Variants in AKT3 observed in about 807,000 individuals in gnomAD.
AKT3 encodes RAC-gamma serine/threonine-protein kinase.
In AKT3, 15 loss-of-function variants were observed where a neutral mutation model predicts 65.3. The ratio of observed to expected loss-of-function variants is 0.23; its 90% CI spans 0.15 to 0.35. The LOEUF (loss-of-function observed/expected upper bound fraction) is 0.35. Among genes scored for constraint, AKT3 ranks in the 10% least tolerant of loss-of-function variants. The pLI, the probability that AKT3 is intolerant of heterozygous loss-of-function variation, is 1.00. For missense variants in AKT3, 243 were observed against 576.5 expected, an observed-to-expected ratio of 0.42 and a Z score of 5.92; for synonymous variants, 206 against 183.8, an observed-to-expected ratio of 1.12 and a Z score of -0.98.
chr1:243,593,777 G>A (rs1485829407), intron 8 of AKT3, among the ~76,000 whole-genome samples: 2 of 152,078 alleles, frequency 1.3e-5, no homozygotes, highest in African/African-American at 2.4e-5. Flanking sequence ...AAATATTCTA[G>A]GAATAGGAGA....
At chr1:243,620,761 G>A (rs1039107195) in intron 6 of AKT3, among the ~76,000 whole-genome samples, 10 of 152,048 alleles carry the variant, frequency 6.6e-5, no homozygotes, top group Non-Finnish European at 1.2e-4. Context: ...ACATTATTGC[G>A]CCTTTCTCGA....
chr1:243,769,425 G>A (rs1572315446), intron 2 of AKT3, among the ~76,000 whole-genome samples: 1 of 152,182 alleles, frequency 6.6e-6, no homozygotes, highest in Non-Finnish European at 1.5e-5. Flanking sequence ...CCTACCAGCA[G>A]CGTATGGGGA....
chr1:243,738,230 T>G (rs1283219041), intron 2 of AKT3, among the ~76,000 whole-genome samples: 1 of 152,214 alleles, frequency 6.6e-6, no homozygotes, highest in Non-Finnish European at 1.5e-5. Flanking sequence ...CCTAAAGCTG[T>G]GCTTGGCTTT....
intron 13 of AKT3, among the ~76,000 whole-genome samples, chr1:243,492,087 G>C (rs1666572429): frequency 6.6e-6 from 1 of 151,994 alleles, no homozygotes; most frequent in Non-Finnish European, 1.5e-5. Context: ...GAAGTGTCTA[G>C]CCTGTTGGCA....
intron 1 of AKT3, among the ~76,000 whole-genome samples, chr1:243,845,991 A>G (rs1397717269): frequency 6.6e-6 from 1 of 152,208 alleles, no homozygotes; most frequent in Non-Finnish European, 1.5e-5. Context: ...AACTCTGAAT[A>G]GCTTTATAGC....
intron 6 of AKT3, among the ~76,000 whole-genome samples, chr1:243,620,790 T>C (rs77165397): frequency 0.016 from 2,512 of 152,256 alleles, 61 homozygotes; most frequent in African/African-American, 0.058. Context: ...TTTGATACTT[T>C]GTTCTTGATG....
chr1:243,520,344 G>C lies in AKT3; in HGVS notation c.1252-7918C>G, dbSNP rs1490315813. ...AAGAAACTAACCCTGCCTGCACCTTGATCTTGGACTTTCGCCAGAAATATG... is the reference window on the plus strand; with the variant it reads ...AAGAAACTAACCCTGCCTGCACCTTCATCTTGGACTTTCGCCAGAAATATG... On this transcript the variant is annotated intron_variant, in intron 12 of 13. Transcript: ENST00000673466. 2.0e-5 allele frequency among the ~76,000 whole-genome samples: 3 copies of C among 152,164 alleles called. No individual in the cohort carries two copies. The East Asian group carries it at 5.8e-4, about 29-fold the overall frequency.
At chr1:243,762,717 T>C (rs1350978781) in intron 2 of AKT3, among the ~76,000 whole-genome samples, 1 of 152,060 alleles carries the variant, frequency 6.6e-6, no homozygotes, top group South Asian at 2.1e-4. Flanking sequence ...GTATTTAAAA[T>C]GTAAATCTTC....
At chr1:243,672,724 A>G (rs1034487955) in intron 3 of AKT3, among the ~76,000 whole-genome samples, 1 of 152,128 alleles carries the variant, frequency 6.6e-6, no homozygotes, top group African/African-American at 2.4e-5. Flanking sequence ...CTCCTAACAC[A>G]TTTTTCTTCT....
intron 2 of AKT3, among the ~76,000 whole-genome samples, chr1:243,754,808 C>A (rs879258761): frequency 2.6e-5 from 4 of 152,152 alleles, no homozygotes; most frequent in Non-Finnish European, 5.9e-5. Flanking sequence ...ATGAAAGCAG[C>A]CCCCGGTGCC....
At chr1:243,817,621 G>A (rs891281507) in intron 2 of AKT3, among the ~76,000 whole-genome samples, 1 of 152,120 alleles carries the variant, frequency 6.6e-6, no homozygotes, top group African/African-American at 2.4e-5. Flanking sequence ...CATGCCTGTA[G>A]TCCCAGCTAC....
chr1:243,642,572 G>A lies in AKT3; in HGVS notation c.429+3321C>T, dbSNP rs551882212. Among the ~76,000 whole-genome samples, 9 of 152,302 alleles carry A rather than the reference G, an allele frequency of 5.9e-5. 1 individual carries two copies. The South Asian group carries it at 1.9e-3, about 32-fold the overall frequency. ...GATCCGCCCACCTTGGCCTCCCAAA[G>A]TGCTGGGATTACAGGCGTGAGCCAC... On this transcript the variant is annotated intron_variant, in intron 5 of 13. Coordinates refer to ENST00000673466, the MANE Select transcript of AKT3 (RefSeq NM_005465.7).
chr1:243,784,444 C>G (rs1229872059), intron 2 of AKT3, among the ~76,000 whole-genome samples: 1 of 150,346 alleles, frequency 6.7e-6, no homozygotes, highest in Non-Finnish European at 1.5e-5. Flanking sequence ...AAAAAAGGAA[C>G]ATAAAACTAT....
At chr1:243,682,571 A>G (rs1683999536) in intron 3 of AKT3, among the ~76,000 whole-genome samples, 1 of 152,192 alleles carries the variant, frequency 6.6e-6, no homozygotes, top group African/African-American at 2.4e-5. Context: ...AATGTCTGAC[A>G]TGATTAGGGC....
chr1:243,728,218 C>T (rs754258529), intron 2 of AKT3, among the ~76,000 whole-genome samples: 4 of 152,172 alleles, frequency 2.6e-5, no homozygotes, highest in Non-Finnish European at 4.4e-5. Flanking sequence ...TTTTGAATCC[C>T]TTGCTGTTGC....
intron 1 of AKT3, among the ~76,000 whole-genome samples, chr1:243,847,910 G>A (rs1365114459): frequency 1.3e-5 from 2 of 152,006 alleles, no homozygotes; most frequent in African/African-American, 2.4e-5. Context: ...AGATTATTAA[G>A]CCAAAAATTA....
chr1:243,545,571 T>C lies in AKT3; in HGVS notation c.1190A>G (p.Lys397Arg), dbSNP rs1558604096. The C allele has an allele frequency of 1.9e-6, 3 of 1,613,002 alleles. No individual in the cohort carries two copies. The highest frequency in any genetic ancestry group is 2.5e-6 in the Non-Finnish European group (3 of 1,179,290). Residue 397 changes from lysine to arginine, a missense_variant, in exon 12 of 14, where the codon AAA becomes AGA. By Grantham distance (26) the Lys-to-Arg change is conservative. This residue lies in a region of AKT3 where 57 missense variants were observed against 107.6 expected (regional missense o/e 0.53). Coordinates refer to ENST00000673466, the MANE Select transcript of AKT3 (RefSeq NM_005465.7). ...KRLGGGPDDA[K>R]EIMRHSFFSG... ...GAAGAAACTGTGTCTCATAATTTCTTTTGCATCATCTGGTCCTCCACCAAG... is the reference window on the plus strand; with the variant it reads ...GAAGAAACTGTGTCTCATAATTTCTCTTGCATCATCTGGTCCTCCACCAAG...
At chr1:243,572,356 T>C (rs1674624425) in intron 9 of AKT3, among the ~76,000 whole-genome samples, 1 of 152,188 alleles carries the variant, frequency 6.6e-6, no homozygotes, top group African/African-American at 2.4e-5. Context: ...AAGCCTAAAT[T>C]ATTTTATCTG....
At chr1:243,630,003 A>G (rs1037051210) in intron 6 of AKT3, among the ~76,000 whole-genome samples, 1 of 152,126 alleles carries the variant, frequency 6.6e-6, no homozygotes, top group Admixed American at 6.6e-5. Flanking sequence ...TGGCAAATAC[A>G]CTACACTGAG....
Sources: gnomAD v4.1 joint callset for allele counts (sites outside exome capture counted in the v4.1 genomes callset) on GRCh38, gnomAD v4.1.1 for gene constraint, gnomAD v4.1.1 regional missense constraint, MANE v1.5 for transcripts, NCBI Gene and HGNC (gene_info 2026-07-23, HGNC 2026-07-21) for gene names.